The following MIX23 variants were observed in gnomAD, a reference collection of about 807,000 sequenced individuals.
MIX23 encodes the protein mitochondrial matrix import factor 23, also known as protein MIX23.
A neutral mutation model predicts 21.6 loss-of-function variants in MIX23; 13 were observed. The ratio of observed to expected loss-of-function variants is 0.60; its 90% confidence interval spans 0.39 to 0.96. MIX23 has a LOEUF of 0.96. Ranked by LOEUF, MIX23 falls within the 40% of genes least tolerant of loss-of-function variation. The pLI is 0.00. For missense variants in MIX23, 144 were observed against 171.2 expected (o/e 0.84, Z 0.89); for synonymous variants, 59 against 58.0 (o/e 1.02, Z -0.08).
intron 3 of MIX23, chr3:122,366,785 C>CA (rs1050237695): frequency 1.3e-5 from 2 of 151,838 alleles, no homozygotes; most frequent in Admixed American, 1.3e-4. Flanking sequence ...ACCCAAAATA[C>CA]AAAAAATAAG....
Position 122,359,861 on chromosome 3 carries a change from ATCT to A in MIX23, c.*5_*7del. 4 of 1,488,612 alleles carry A rather than the reference ATCT, an allele frequency of 2.7e-6. No homozygotes were observed. Among genetic ancestry groups the A allele is most frequent in the South Asian group, 1.3e-5 (1 of 78,238 alleles). 92.2% of individuals were successfully genotyped at this position (1,488,612 alleles called of 1,614,324 possible). On this transcript the variant is annotated 3_prime_UTR_variant, in exon 5 of 5. Coordinates refer to ENST00000291458, the MANE Select transcript of MIX23 (RefSeq NM_001017928.4). Reference sequence around the variant, plus strand: ...AAAAAAAAAAAAAAAAAAAAAAAGAATCTCTCTTTATTCATTCTTTGGAGGCTT... The same window carrying A: ...AAAAAAAAAAAAAAAAAAAAAAAGAACTCTTTATTCATTCTTTGGAGGCTT...
chr3:122,380,313 CA>C (rs1160188296), intron 1 of MIX23, among the ~76,000 whole-genome samples: 1 of 152,124 alleles, frequency 6.6e-6, no homozygotes, highest in African/African-American at 2.4e-5. Flanking sequence ...TCTGGTTCCT[CA>C]AACTCTATTT....
chr3:122,367,024 T>C (rs1484038973), intron 3 of MIX23, among the ~76,000 whole-genome samples: 1 of 152,072 alleles, frequency 6.6e-6, no homozygotes, highest in African/African-American at 2.4e-5. Flanking sequence ...CTAATGAGTT[T>C]AAGGGTAAAG....
intron 1 of MIX23, among the ~76,000 whole-genome samples, chr3:122,380,690 A>T (rs534665204): frequency 7.9e-5 from 12 of 152,362 alleles, no homozygotes; most frequent in Non-Finnish European, 1.6e-4. Flanking sequence ...AGAAGTTTAT[A>T]TCTAGTCATA....
intron 1 of MIX23, among the ~76,000 whole-genome samples, chr3:122,379,656 A>C (rs2075515264): frequency 6.6e-6 from 1 of 152,234 alleles, no homozygotes; most frequent in African/African-American, 2.4e-5. Flanking sequence ...AACAGAACAG[A>C]CATTATACAC....
intron 1 of MIX23, among the ~76,000 whole-genome samples, chr3:122,375,680 A>T (rs370582891): frequency 6.6e-6 from 1 of 152,114 alleles, no homozygotes; most frequent in African/African-American, 2.4e-5. Context: ...ACTTTTTTTT[A>T]AAGTTTTGTT....
At chr3:122,369,603 A>T (rs561132042) in intron 2 of MIX23, among the ~76,000 whole-genome samples, 1 of 152,370 alleles carries the variant, frequency 6.6e-6, no homozygotes, top group Admixed American at 6.5e-5. Context: ...GGATATAGAT[A>T]CAGAGAAAAA....
chr3:122,368,386 T>C lies in MIX23; in HGVS notation c.178-64A>G, dbSNP rs2075413531. On this transcript the variant is annotated intron_variant, in intron 2 of 4. Coordinates refer to ENST00000291458, the MANE Select transcript of MIX23 (RefSeq NM_001017928.4). The stretch of plus-strand genomic sequence containing the variant: ...CATAAATTTATCACATTTTAGTGTT[T>C]TTCAAAAAAATCCTTGAGACTATAG... The C allele has an allele frequency of 2.1e-6, 3 of 1,460,736 alleles. No homozygotes were observed. In the African/African-American group the frequency reaches 4.3e-5, roughly 21 times the overall value. 90.5% of individuals were successfully genotyped at this position (1,460,736 alleles called of 1,614,324 possible).
chr3:122,377,882 C>T (rs2075500390), intron 1 of MIX23, among the ~76,000 whole-genome samples: 1 of 152,092 alleles, frequency 6.6e-6, no homozygotes, highest in Non-Finnish European at 1.5e-5. Context: ...AGAAATTAAA[C>T]TTTTAAACTT....
At chr3:122,379,417 G>T (rs772355072) in intron 1 of MIX23, among the ~76,000 whole-genome samples, 1 of 152,110 alleles carries the variant, frequency 6.6e-6, no homozygotes, top group Non-Finnish European at 1.5e-5. Flanking sequence ...TTCTTCACAG[G>T]GAAAAAAGTG....
At chr3:122,363,861 C>G (rs1241986850) in intron 3 of MIX23, among the ~76,000 whole-genome samples, 1 of 148,568 alleles carries the variant, frequency 6.7e-6, no homozygotes. Context: ...CTCCCAGTAG[C>G]ATTTTGTTAG....
chr3:122,383,220 G>T lies in MIX23; in HGVS notation c.5C>A (p.Ala2Glu). The change falls in exon 1 of 5, where the codon GCG becomes GAG. Residue 2 changes from alanine (A) to glutamate (E), a missense_variant. Transcript: ENST00000291458. M[A>E]APSGGVNCEE... ...ACAGTTCACACCGCCACTGGGCGCC[G>T]CCATATTGGACAAACACGAGGACCC... 1 of 1,612,688 alleles carries T rather than the reference G, an allele frequency of 6.2e-7. No homozygotes were observed. Among genetic ancestry groups the T allele is most frequent in the Non-Finnish European group, 8.5e-7 (1 of 1,179,972 alleles).
intron 3 of MIX23, among the ~76,000 whole-genome samples, chr3:122,364,516 T>A (rs2075382216): frequency 6.6e-6 from 1 of 152,104 alleles, no homozygotes; most frequent in African/African-American, 2.4e-5. Context: ...TAGAAAAGGG[T>A]TCAGAATTAT....
At position 122,363,259 on chromosome 3, in the gene MIX23, TG is replaced by T; in HGVS notation, c.325-233del. On this transcript the variant is annotated intron_variant, in intron 3 of 4. Coordinates refer to ENST00000291458, the MANE Select transcript of MIX23 (RefSeq NM_001017928.4). ...ACTTTGCTGCATATCCTAATCACCT[TG>T]AGAGCTTTAAAAAAAAAATATCCCA... Among the ~76,000 whole-genome samples the T allele has an allele frequency of 1.3e-5, 2 of 151,988 alleles. 1 individual carries two copies. Among genetic ancestry groups the T allele is most frequent in the South Asian group, 4.2e-4 (2 of 4,810 alleles).
intron 3 of MIX23, among the ~76,000 whole-genome samples, chr3:122,366,109 C>T (rs560054944): frequency 2.0e-5 from 3 of 151,520 alleles, no homozygotes; most frequent in Admixed American, 6.6e-5. Context: ...ACCTGGGAGG[C>T]GGAAGTTTCA....
At chr3:122,377,147 C>T (rs1361943690) in intron 1 of MIX23, among the ~76,000 whole-genome samples, 1 of 152,226 alleles carries the variant, frequency 6.6e-6, no homozygotes, top group Non-Finnish European at 1.5e-5. Context: ...CGCCACTGTA[C>T]TCCAGCCTGG....
rs370054189 is a variant in MIX23 at position 122,368,232 on chromosome 3, C to G, written c.268G>C (p.Glu90Gln). The G allele has an allele frequency of 1.6e-5, 26 of 1,610,038 alleles. No individual in the cohort carries two copies. The East Asian group carries it at 4.5e-4, about 28-fold the overall frequency. ...AVVKNLREER[E>Q]KNLDDLTLLK... ...AACGTTAAATCGTCCAAATTCTTTT[C>G]TCTCTCTTCTCGGAGGTTTTTTACT... is the stretch of plus-strand genomic sequence containing the variant. The change falls in exon 3 of 5, where the codon GAA (glutamate) becomes CAA (glutamine). Residue 90 changes from glutamate (E) to glutamine (Q), a missense_variant. Coordinates refer to ENST00000291458, the MANE Select transcript of MIX23 (RefSeq NM_001017928.4).
In MIX23 at chr3:122,361,143, G is replaced by A. The variant is rs1053420071; in HGVS notation, c.385-1224C>T. Among the ~76,000 whole-genome samples, 151 of 152,112 alleles carry A rather than the reference G, an allele frequency of 9.9e-4. 1 individual carries two copies. Among genetic ancestry groups the A allele is most frequent in the Non-Finnish European group, 7.2e-4 (49 of 68,032 alleles). ...TACAGGCGTGAGCCAGTAAAGTGCT[G>A]CGCCTGACCTATTATTCAATTTCTT... is the stretch of plus-strand genomic sequence containing the variant. On this transcript the variant is annotated intron_variant, in intron 4 of 4. Coordinates refer to ENST00000291458, the MANE Select transcript of MIX23 (RefSeq NM_001017928.4).
At chr3:122,376,245 CCAT>C (rs1230467470) in intron 1 of MIX23, among the ~76,000 whole-genome samples, 1 of 149,900 alleles carries the variant, frequency 6.7e-6, no homozygotes, top group African/African-American at 2.5e-5. Context: ...AGCTAAGTGT[CCAT>C]CAACAGTTGA....
Sources: gnomAD v4.1 joint callset for allele counts (sites outside exome capture counted in the v4.1 genomes callset) on GRCh38, gnomAD v4.1.1 for gene constraint, MANE v1.5 for transcripts, NCBI Gene and HGNC (gene_info 2026-07-23, HGNC 2026-07-21) for gene names.